The following ISM1 variants were observed in gnomAD, a reference collection of about 807,000 sequenced individuals.
ISM1 encodes the protein isthmin-1.
Under a neutral mutation model 46.3 loss-of-function variants are expected in ISM1, and 25 were observed. That is an observed-to-expected ratio of 0.54 (90% confidence interval 0.39 to 0.75). The LOEUF is 0.75. ISM1 is among the 30% of genes least tolerant of loss of function. The pLI, the probability that ISM1 is intolerant of heterozygous loss-of-function variation, is 0.00. For synonymous variants in ISM1, 255 were observed against 256.7 expected, an observed-to-expected ratio of 0.99 and a Z score of 0.06; for missense variants, 536 against 625.4, an observed-to-expected ratio of 0.86 and a Z score of 1.52.
intron 1 of ISM1, among the ~76,000 whole-genome samples, chr20:13,224,841 C>CTTTTTTTTT (rs1162270732): frequency 1.4e-4 from 15 of 107,256 alleles, no homozygotes; most frequent in African/African-American, 2.2e-4. Flanking sequence ...AGCTTTCTTT[C>CTTTTTTTTT]TTTTTTTTTT....
the ISM1 span, among the ~76,000 whole-genome samples, chr20:13,324,650 A>T: frequency 1.1e-4 from 17 of 152,230 alleles, no homozygotes; most frequent in Non-Finnish European, 2.9e-5. Context: ...CTAGAAAATG[A>T]AAAACAAAAT....
chr20:13,247,681 C>T (rs899110126), intron 1 of ISM1, among the ~76,000 whole-genome samples: 6 of 152,002 alleles, frequency 3.9e-5, no homozygotes, highest in African/African-American at 1.5e-4. Flanking sequence ...TCAGCCAAGT[C>T]GTGTTTGCAC....
At chr20:13,276,241 C>A (rs1198012122) in intron 2 of ISM1, among the ~76,000 whole-genome samples, 5 of 152,162 alleles carry the variant, frequency 3.3e-5, no homozygotes, top group Non-Finnish European at 5.9e-5. Flanking sequence ...AGAGGACCAA[C>A]AAGCAAGAAG....
intron 1 of ISM1, among the ~76,000 whole-genome samples, chr20:13,266,529 A>G (rs949574041): frequency 2.0e-5 from 3 of 152,202 alleles, no homozygotes; most frequent in African/African-American, 4.8e-5. Context: ...AGCATTGTCA[A>G]TGTTAACTCA....
At chr20:13,224,994 T>C (rs55983441) in intron 1 of ISM1, among the ~76,000 whole-genome samples, 2,211 of 151,014 alleles carry the variant, frequency 0.015, 58 homozygotes, top group African/African-American at 0.045. Context: ...TACAGGCGCC[T>C]GCCACCACGC....
chr20:13,238,036 G>A (rs1458001944), intron 1 of ISM1: 1 of 152,078 alleles, frequency 6.6e-6, no homozygotes, highest in Non-Finnish European at 1.5e-5. Context: ...TGGCTCCATG[G>A]TCCTCCTTCA....
rs116819696 is a variant in ISM1 at position 13,280,018 on chromosome 20, A to G, written c.643+120A>G. 2,740 of 934,258 alleles carry G rather than the reference A, an allele frequency of 2.9e-3. 45 individuals are homozygous for G. In the African/African-American group the frequency reaches 0.039, roughly 13 times the overall value. The allele number at this position is 934,258 out of a possible 1,614,324, so 57.9% of individuals were successfully genotyped here. On this transcript the variant is annotated intron_variant, in intron 3 of 5. Coordinates refer to ENST00000262487, the MANE Select transcript of ISM1 (RefSeq NM_080826.2). ...GTGGCTTTTGGTCTTCTGTGAGGCA[A>G]ACCTCACAAAGGCTGTCTTCCGCAG...
chr20:13,254,216 G>C (rs756783320), intron 1 of ISM1, among the ~76,000 whole-genome samples: 9 of 151,402 alleles, frequency 5.9e-5, no homozygotes, highest in Non-Finnish European at 1.2e-4. Flanking sequence ...CTGGGCGACA[G>C]AGCAAAACTC....
chr20:13,321,102 G>A, the ISM1 span, among the ~76,000 whole-genome samples: 1 of 151,994 alleles, frequency 6.6e-6, no homozygotes, highest in South Asian at 2.1e-4. Flanking sequence ...AGGAGGCTGA[G>A]GCATGAGAAT....
intron 1 of ISM1, among the ~76,000 whole-genome samples, chr20:13,255,946 G>A (rs1186486071): frequency 6.6e-6 from 1 of 151,488 alleles, no homozygotes; most frequent in Non-Finnish European, 1.5e-5. Context: ...TGGTGTGACT[G>A]CAGTTATAAA....
chr20:13,285,314 GA>G (rs73619823), intron 3 of ISM1, among the ~76,000 whole-genome samples: 4 of 150,532 alleles, frequency 2.7e-5, no homozygotes, highest in East Asian at 3.9e-4. Flanking sequence ...AAAAAGAAAG[GA>G]AAAAAAAAGC....
rs181406441 is a variant in ISM1, at chr20:13,224,934, T to C, written c.138+3020T>C. 1.3e-4 allele frequency among the ~76,000 whole-genome samples: 19 copies of C among 147,728 alleles called. No homozygotes were observed. In the East Asian group the frequency reaches 4.0e-3, roughly 31 times the overall value. ...GATCTCTGCTCACTGCAACCTCCAC[T>C]TCCCGGGTTCATGCCATTCTCCTGC... On this transcript the variant is annotated intron_variant, in intron 1 of 5. Coordinates refer to ENST00000262487, the MANE Select transcript of ISM1 (RefSeq NM_080826.2).
chr20:13,325,347 G>A, the ISM1 span, among the ~76,000 whole-genome samples: 1 of 152,184 alleles, frequency 6.6e-6, no homozygotes, highest in Admixed American at 6.5e-5. Context: ...TCGTGCTTAA[G>A]ATGTATTTGT....
intron 3 of ISM1, among the ~76,000 whole-genome samples, chr20:13,287,965 A>G (rs1250579462): frequency 6.6e-6 from 1 of 152,200 alleles, no homozygotes; most frequent in Admixed American, 6.5e-5. Context: ...GGGAATGGCT[A>G]GAAGGCTTGA....
At chr20:13,279,525 A>G (rs1377459593) in intron 2 of ISM1, 109 bp from the exon 3 acceptor site, 37 of 1,095,784 alleles carry the variant, frequency 3.4e-5, no homozygotes, top group Non-Finnish European at 4.8e-5. Flanking sequence ...TTCCTTCACA[A>G]CGGATGCATC....
intron 1 of ISM1, among the ~76,000 whole-genome samples, chr20:13,242,090 G>A (rs1350301923): frequency 2.0e-5 from 3 of 152,166 alleles, no homozygotes; most frequent in Non-Finnish European, 4.4e-5. Context: ...TTAAAAGAAT[G>A]GAAAGTGTCT....
intron 1 of ISM1, among the ~76,000 whole-genome samples, chr20:13,235,238 A>G (rs921582430): frequency 6.6e-6 from 1 of 152,204 alleles, no homozygotes; most frequent in African/African-American, 2.4e-5. Flanking sequence ...TGTGACCAGC[A>G]GGTTACCTGC....
chr20:13,255,692 T>C (rs1410155045), intron 1 of ISM1, among the ~76,000 whole-genome samples: 1 of 152,172 alleles, frequency 6.6e-6, no homozygotes, highest in South Asian at 2.1e-4. Flanking sequence ...AGTCATTCCC[T>C]CTGGGAAGAC....
At chr20:13,323,889 A>G in the ISM1 span, among the ~76,000 whole-genome samples, 1 of 152,324 alleles carries the variant, frequency 6.6e-6, no homozygotes, top group East Asian at 1.9e-4. Flanking sequence ...GTCTCCTCTG[A>G]CCAAAAAAAT....
Sources: gnomAD v4.1 joint callset for allele counts (sites outside exome capture counted in the v4.1 genomes callset) on GRCh38, gnomAD v4.1.1 for gene constraint, MANE v1.5 for transcripts, NCBI Gene and HGNC (gene_info 2026-07-23, HGNC 2026-07-21) for gene names.